FSAF1: variants seen among roughly 807,000 people sequenced by gnomAD.
The protein encoded by FSAF1 is 40S small subunit processome assembly factor 1.
the FSAF1 span, chr1:231,241,037 G>A: frequency 1.9e-6 from 3 of 1,613,958 alleles, no homozygotes; most frequent in South Asian, 1.1e-5. Flanking sequence ...AGTCGTAAAG[G>A]TTCTGGAGCA....
chr1:231,241,160 C>A, the FSAF1 span: 828 of 1,599,670 alleles, frequency 5.2e-4, no homozygotes, highest in Middle Eastern at 6.7e-4. Context: ...GCTGCACCCC[C>A]GCTTCCGGGT....
chr1:231,233,999 A>C, the FSAF1 span, among the ~76,000 whole-genome samples: 1 of 152,216 alleles, frequency 6.6e-6, no homozygotes, highest in African/African-American at 2.4e-5. Flanking sequence ...TTAATGTTTA[A>C]CTACAGGCAA....
chr1:231,226,765 C>G, the FSAF1 span: 38 of 1,609,880 alleles, frequency 2.4e-5, no homozygotes, highest in Admixed American at 6.3e-4. Context: ...TCCTTTGCTG[C>G]CTTTTTTTCT....
At chr1:231,231,269 A>C in the FSAF1 span, among the ~76,000 whole-genome samples, 5,762 of 152,262 alleles carry the variant, frequency 0.038, 143 homozygotes, top group South Asian at 0.052. Context: ...ACTGGAAAAA[A>C]TTCCACATTT....
chr1:231,232,503 G>A, the FSAF1 span, among the ~76,000 whole-genome samples: 1 of 152,204 alleles, frequency 6.6e-6, no homozygotes, highest in Admixed American at 6.5e-5. Context: ...GTGTGGCACA[G>A]GAGACCTGCC....
the FSAF1 span, chr1:231,225,558 T>G: frequency 6.4e-7 from 1 of 1,568,842 alleles, no homozygotes; most frequent in East Asian, 2.2e-5. Flanking sequence ...TACATATTAG[T>G]AGTGGATAAT....
the FSAF1 span, chr1:231,226,708 A>G: frequency 6.5e-7 from 1 of 1,539,946 alleles, no homozygotes; most frequent in South Asian, 1.1e-5. Context: ...TTCCCATTCT[A>G]GTTGAATAAA....
the FSAF1 span, among the ~76,000 whole-genome samples, chr1:231,232,358 G>A: frequency 6.6e-6 from 1 of 152,102 alleles, no homozygotes; most frequent in Non-Finnish European, 1.5e-5. Context: ...AAAGAAACAC[G>A]AGCAGAGGGG....
the FSAF1 span, among the ~76,000 whole-genome samples, chr1:231,235,570 C>T: frequency 2.6e-5 from 4 of 151,676 alleles, no homozygotes; most frequent in African/African-American, 9.7e-5. Flanking sequence ...TGGGAGGCTG[C>T]GGCAAAAGGA....
the FSAF1 span, among the ~76,000 whole-genome samples, chr1:231,226,229 T>C: frequency 1.3e-5 from 2 of 152,126 alleles, no homozygotes; most frequent in Non-Finnish European, 2.9e-5. Context: ...GTTCTCCCTC[T>C]GTTACTTCCC....
At chr1:231,225,609 A>C in the FSAF1 span, 1 of 1,146,148 alleles carries the variant, frequency 8.7e-7, no homozygotes, top group Non-Finnish European at 1.3e-6. Context: ...ACCAAAAGTC[A>C]TTGAGATACC....
chr1:231,237,001 T>C, the FSAF1 span: 2 of 152,072 alleles, frequency 1.3e-5, no homozygotes, highest in South Asian at 4.1e-4. Flanking sequence ...ATAATCTTTT[T>C]TTTTTTTTTT....
chr1:231,225,453 C>G, the FSAF1 span: 2 of 1,611,108 alleles, frequency 1.2e-6, no homozygotes, highest in Non-Finnish European at 1.7e-6. Flanking sequence ...AACCCCAGGA[C>G]CTGATAAAAT....
the FSAF1 span, chr1:231,241,148 G>A: frequency 1.2e-6 from 2 of 1,605,578 alleles, no homozygotes; most frequent in Non-Finnish European, 1.7e-6. Context: ...TCATTCTGCC[G>A]CGCTGCACCC....
the FSAF1 span, chr1:231,237,337 G>A: frequency 6.6e-6 from 1 of 152,218 alleles, no homozygotes; most frequent in Non-Finnish European, 1.5e-5. Context: ...AACCATCTTC[G>A]TAGTGGGTAG....
chr1:231,235,227 G>A, the FSAF1 span, among the ~76,000 whole-genome samples: 4 of 152,154 alleles, frequency 2.6e-5, no homozygotes, highest in East Asian at 1.9e-4. Flanking sequence ...TGGGCCGGAC[G>A]CAGTGGCTCA....
At chr1:231,227,220 T>G in the FSAF1 span, 5 of 776,562 alleles carry the variant, frequency 6.4e-6, no homozygotes, top group Non-Finnish European at 8.4e-6. Context: ...AAAGGAGCTC[T>G]ATGGAGGCTC....
chr1:231,230,715 T>C, the FSAF1 span, among the ~76,000 whole-genome samples: 1 of 152,156 alleles, frequency 6.6e-6, no homozygotes, highest in Admixed American at 6.5e-5. Flanking sequence ...ATTTAAGGTG[T>C]GTGGGTTCAG....
At chr1:231,240,674 G>C in the FSAF1 span, among the ~76,000 whole-genome samples, 1 of 152,290 alleles carries the variant, frequency 6.6e-6, no homozygotes, top group East Asian at 1.9e-4. This position sits in a 1 kb window ranked among gnomAD's most constrained non-coding sequence, Gnocchi z 4.1. Flanking sequence ...ACCAGGGTCA[G>C]GCAGGTCTTG....
Sources: gnomAD v4.1 joint callset for allele counts (sites outside exome capture counted in the v4.1 genomes callset) on GRCh38, gnomAD v4.1.1 for gene constraint, Gnocchi (gnomAD v3.1) non-coding constraint, MANE v1.5 for transcripts, NCBI Gene and HGNC (gene_info 2026-07-23, HGNC 2026-07-21) for gene names.